GNG12: variants seen among roughly 807,000 people sequenced by gnomAD.
GNG12 encodes the protein G protein subunit gamma 12.
For synonymous variants in GNG12, 28 were observed against 29.7 expected (o/e 0.94, Z 0.19); for missense variants, 69 against 83.8 (o/e 0.82, Z 0.69).
At chr1:67,833,007 G>A (rs1647058583) in intron 1 of GNG12, among the ~76,000 whole-genome samples, 1 of 152,056 alleles carries the variant, frequency 6.6e-6, no homozygotes, top group Non-Finnish European at 1.5e-5. Context: ...TCCACCCCCA[G>A]CCCTAGCCCC....
intron 2 of GNG12, among the ~76,000 whole-genome samples, chr1:67,752,318 G>A (rs1646543726): frequency 6.6e-6 from 1 of 152,218 alleles, no homozygotes; most frequent in Non-Finnish European, 1.5e-5. Flanking sequence ...GAGGGCAGCT[G>A]TCCAGAAGTA....
chr1:67,763,407 T>C (rs115129473), intron 2 of GNG12, among the ~76,000 whole-genome samples: 4,127 of 152,268 alleles, frequency 0.027, 197 homozygotes, highest in African/African-American at 0.095. Flanking sequence ...ATGTTATTAA[T>C]ATTTAAGAGT....
rs1408742568 is a variant in GNG12 at position 67,716,005 on chromosome 1, C to A, written c.-26-8293G>T. 2.0e-5 allele frequency among the ~76,000 whole-genome samples: 3 copies of A among 152,230 alleles called. No homozygotes were observed. The East Asian group carries it at 5.8e-4, about 29-fold the overall frequency. On this transcript the variant is annotated intron_variant, in intron 2 of 3. Transcript: ENST00000370982. ...TATGAGGCCAGGGTGCTTGAACCTG[C>A]GGTCAGCTGCAAGTGCTGCCCTGGT... is the stretch of plus-strand genomic sequence containing the variant.
chr1:67,766,098 G>GCGCACACACACACACA (rs1307715972), intron 2 of GNG12, among the ~76,000 whole-genome samples: 4 of 100,814 alleles, frequency 4.0e-5, no homozygotes, highest in African/African-American at 1.8e-4. Context: ...ACAAAACAAG[G>GCGCACACACACACACA]CACACACGCA....
At position 67,755,417 on chromosome 1, in the gene GNG12, A is replaced by G. The variant is rs183848812; in HGVS notation, c.-27+22041T>C. 4.6e-5 allele frequency among the ~76,000 whole-genome samples: 7 copies of G among 152,118 alleles called. 1 individual carries two copies. In the East Asian group the frequency reaches 1.2e-3, roughly 25 times the overall value. On this transcript the variant is annotated intron_variant, in intron 2 of 3. Transcript: ENST00000370982. ...GTACAAATCTTGTTTCTTGTTTTAGACTGTGGTCTTTTTAAGGGCAGCATT... is the reference window on the plus strand; with the variant it reads ...GTACAAATCTTGTTTCTTGTTTTAGGCTGTGGTCTTTTTAAGGGCAGCATT...
chr1:67,713,721 C>G lies in GNG12; in HGVS notation c.-26-6009G>C, dbSNP rs1023195240. Among the ~76,000 whole-genome samples the G allele has an allele frequency of 7.2e-5, 11 of 152,248 alleles. No individual in the cohort carries two copies. In the East Asian group the frequency reaches 1.3e-3, roughly 19 times the overall value. The stretch of plus-strand genomic sequence containing the variant: ...TGGTCTTGCCTTCAACTTTCAATGT[C>G]TTTCTCTAGCTCTTTATCTGCCTCT... On this transcript the variant is annotated intron_variant, in intron 2 of 3. Coordinates refer to ENST00000370982, the MANE Select transcript of GNG12 (RefSeq NM_018841.6).
intron 1 of GNG12, among the ~76,000 whole-genome samples, chr1:67,799,089 T>TAA (rs1401855143): frequency 6.6e-6 from 1 of 152,266 alleles, no homozygotes; most frequent in African/African-American, 2.4e-5. Flanking sequence ...AAATGTGTGT[T>TAA]AAGTGACTGT....
At chr1:67,761,632 T>C (rs1646605452) in intron 2 of GNG12, among the ~76,000 whole-genome samples, 1 of 152,206 alleles carries the variant, frequency 6.6e-6, no homozygotes, top group South Asian at 2.1e-4. Context: ...GCAGGTCGAC[T>C]TGGCTCTTTG....
rs145570543 is a variant in GNG12 at position 67,709,281 on chromosome 1, T to A, written c.-26-1569A>T. The stretch of plus-strand genomic sequence containing the variant: ...ATTTTTATCCTTGGGGGTCACATAC[T>A]GCACAGTGAATTGCAGTTCCCTGTT... On this transcript the variant is annotated intron_variant, in intron 2 of 3. Coordinates refer to ENST00000370982, the MANE Select transcript of GNG12 (RefSeq NM_018841.6). Among the ~76,000 whole-genome samples the A allele has an allele frequency of 1.8e-3, 277 of 152,332 alleles. 1 individual carries two copies. Among genetic ancestry groups the A allele is most frequent in the African/African-American group, 6.2e-3 (259 of 41,582 alleles).
At chr1:67,831,841 T>C (rs983274975) in intron 1 of GNG12, among the ~76,000 whole-genome samples, 5 of 152,174 alleles carry the variant, frequency 3.3e-5, no homozygotes, top group African/African-American at 7.2e-5. Flanking sequence ...GTTTTGGCAA[T>C]AGTAAAATTC....
At chr1:67,741,047 A>G (rs778064054) in intron 2 of GNG12, among the ~76,000 whole-genome samples, 9 of 152,118 alleles carry the variant, frequency 5.9e-5, no homozygotes, top group Non-Finnish European at 1.3e-4. Context: ...TATTCTTCCC[A>G]TTTGTTTCTA....
intron 1 of GNG12, among the ~76,000 whole-genome samples, chr1:67,799,678 T>C (rs1337763075): frequency 1.3e-5 from 2 of 152,230 alleles, no homozygotes; most frequent in East Asian, 1.9e-4. Context: ...TAATCTGATA[T>C]ATACTGTTAG....
intron 2 of GNG12, among the ~76,000 whole-genome samples, chr1:67,709,938 A>T (rs1386862126): frequency 9.2e-5 from 2 of 21,850 alleles, no homozygotes; most frequent in African/African-American, 3.2e-4. Flanking sequence ...ATATATAGTT[A>T]TATATATATA....
intron 1 of GNG12, among the ~76,000 whole-genome samples, chr1:67,803,925 G>C (rs1646880666): frequency 6.6e-6 from 1 of 152,212 alleles, no homozygotes; most frequent in Admixed American, 6.5e-5. Context: ...TGAAACAGCA[G>C]TGAAGCAAAA....
chr1:67,832,015 A>G (rs181527606), intron 1 of GNG12, among the ~76,000 whole-genome samples: 21 of 152,340 alleles, frequency 1.4e-4, no homozygotes, highest in African/African-American at 3.6e-4. Context: ...TAGAGAAGGC[A>G]CAGACGCAGA....
chr1:67,801,982 T>C (rs1646868641), intron 1 of GNG12, among the ~76,000 whole-genome samples: 1 of 147,604 alleles, frequency 6.8e-6, no homozygotes, highest in South Asian at 2.2e-4. Context: ...AGGAGGGAGG[T>C]ACAGGGGAGG....
intron 2 of GNG12, among the ~76,000 whole-genome samples, chr1:67,733,550 CCATA>C (rs377056498): frequency 6.6e-5 from 10 of 152,192 alleles, no homozygotes; most frequent in African/African-American, 2.2e-4. Context: ...CCACCCTTGC[CCATA>C]CAGAGGGTTA....
chr1:67,782,204 G>C (rs1201306445), intron 1 of GNG12, among the ~76,000 whole-genome samples: 1 of 152,190 alleles, frequency 6.6e-6, no homozygotes, highest in Non-Finnish European at 1.5e-5. Context: ...ATAGTTGAGG[G>C]AAATATATCC....
intron 2 of GNG12, among the ~76,000 whole-genome samples, chr1:67,730,407 A>G (rs1334081611): frequency 1.3e-5 from 2 of 152,188 alleles, no homozygotes; most frequent in Non-Finnish European, 2.9e-5. Flanking sequence ...AGGCTGAGGC[A>G]TGAGAAAACA....
Sources: allele counts gnomAD v4.1 joint callset (sites outside exome capture counted in the v4.1 genomes callset), GRCh38; gene constraint gnomAD v4.1.1; transcripts MANE v1.5; gene names NCBI Gene and HGNC (gene_info 2026-07-23, HGNC 2026-07-21).